Variants in DHX8 observed in about 807,000 individuals in gnomAD.
DHX8 encodes DEAH-box helicase 8.
Under a neutral mutation model 140.7 loss-of-function variants are expected in DHX8, and 67 were observed. The observed-to-expected ratio is 0.48, with a 90% CI of 0.39 to 0.58. The LOEUF (loss-of-function observed/expected upper bound fraction) is 0.58, where lower values mean the gene tolerates loss of function less well. DHX8 is among the 20% of genes least tolerant of loss of function. The pLI is 0.00. For missense variants in DHX8, 887 were observed against 1,550.7 expected (o/e 0.57, Z 7.19); for synonymous variants, 533 against 553.2 (o/e 0.96, Z 0.51).
intron 1 of DHX8, among the ~76,000 whole-genome samples, chr17:43,486,173 A>C (rs959320396): frequency 1.2e-4 from 19 of 152,116 alleles, no homozygotes; most frequent in African/African-American, 4.3e-4. Flanking sequence ...CCTGGACGAA[A>C]AGAGCAAGAC....
chr17:43,510,472 G>A (rs1969760163), intron 16 of DHX8, among the ~76,000 whole-genome samples: 1 of 152,186 alleles, frequency 6.6e-6, no homozygotes, highest in Non-Finnish European at 1.5e-5. Flanking sequence ...AAATGCCATA[G>A]TATTTGCATG....
At position 43,543,265 on chromosome 17, in the gene DHX8, A is replaced by AAC. The variant is rs1189446827; in HGVS notation, c.*21-886_*21-885dup. 4.8e-5 allele frequency among the ~76,000 whole-genome samples: 3 copies of AAC among 63,074 alleles called. No homozygotes were observed. The South Asian group carries it at 1.5e-3, about 31-fold the overall frequency. 41.4% of individuals were successfully genotyped at this position (63,074 alleles called of 152,430 possible). A position where few individuals can be genotyped will look rare whatever the true frequency, so the allele number is the denominator to read the frequency against. On this transcript the variant is annotated intron_variant, in intron 3 of 3. Transcript: ENST00000589898. ...ATGTACAGGGCAGCAGCATGTAACT[A>AAC]ACACACACACACTCTCTCTCTCTCT...
At position 43,508,553 on chromosome 17, in the gene DHX8, C is replaced by A. The variant is rs779534635; in HGVS notation, c.2502+33C>A. 2.0e-6 allele frequency: 3 copies of A among 1,494,242 alleles called. No homozygotes were observed. In the Admixed American group the frequency reaches 5.2e-5, roughly 26 times the overall value. 92.6% of individuals were successfully genotyped at this position (1,494,242 alleles called of 1,614,324 possible). A position where few individuals can be genotyped will look rare whatever the true frequency, so the allele number is the denominator to read the frequency against. The stretch of plus-strand genomic sequence containing the variant: ...GGGCAAAAATGAAGCTTCCATGTGC[C>A]CTGAAACCATGTGTTGTGTGCAGCC... On this transcript the variant is annotated intron_variant, in intron 16 of 22. Coordinates refer to ENST00000262415, the MANE Select transcript of DHX8 (RefSeq NM_004941.3).
intron 16 of DHX8, among the ~76,000 whole-genome samples, chr17:43,509,920 C>T (rs1055081023): frequency 1.3e-5 from 2 of 152,166 alleles, no homozygotes; most frequent in African/African-American, 2.4e-5. Flanking sequence ...CTGCCGGTCT[C>T]GGCCTCCCAA....
chr17:43,517,603 GA>G (rs1221116145), intron 18 of DHX8: 3 of 360,142 alleles, frequency 8.3e-6, no homozygotes, highest in Non-Finnish European at 1.5e-5. Context: ...AAGGAAATTA[GA>G]AAAATATAAT....
At chr17:43,543,205 A>G (rs1261184865) in intron 3 of DHX8, among the ~76,000 whole-genome samples, 3 of 135,802 alleles carry the variant, frequency 2.2e-5, no homozygotes, top group Non-Finnish European at 4.7e-5. Flanking sequence ...TCCGCCTTGC[A>G]ATCCCCACCC....
chr17:43,542,178 C>T (rs1039271339), intron 3 of DHX8, among the ~76,000 whole-genome samples: 1 of 151,982 alleles, frequency 6.6e-6, no homozygotes, highest in Admixed American at 6.6e-5. Flanking sequence ...TCGATCGATC[C>T]CTTTGAGAAT....
chr17:43,538,126 G>A (rs1971340033), intron 3 of DHX8, among the ~76,000 whole-genome samples: 1 of 135,868 alleles, frequency 7.4e-6, no homozygotes, highest in Admixed American at 7.6e-5. Context: ...GGGTGACAGA[G>A]CAAGACTCCA....
chr17:43,521,154 G>A (rs1970357479), intron 20 of DHX8, among the ~76,000 whole-genome samples: 1 of 151,874 alleles, frequency 6.6e-6, no homozygotes, highest in Non-Finnish European at 1.5e-5. Flanking sequence ...GTAGAGACAG[G>A]GTTGCACCAT....
intron 11 of DHX8, among the ~76,000 whole-genome samples, chr17:43,503,714 A>AT (rs1969341075): frequency 6.6e-6 from 1 of 152,038 alleles, no homozygotes; most frequent in Non-Finnish European, 1.5e-5. Context: ...AACAGACCAC[A>AT]TATTGTATGA....
intron 17 of DHX8, 132 bp from the exon 18 acceptor site, chr17:43,517,035 C>A: frequency 1.1e-6 from 1 of 950,810 alleles, no homozygotes; most frequent in Non-Finnish European, 1.5e-6. Flanking sequence ...GGAAATGGTC[C>A]CAAAGGAAGT....
chr17:43,529,864 T>TCAA, downstream of DHX8: 1 of 1,613,746 alleles, frequency 6.2e-7, no homozygotes, highest in Admixed American at 1.7e-5. Context: ...GACCCTCCCA[T>TCAA]CAACAGTCAC....
chr17:43,500,209 G>A, intron 11 of DHX8, 106 bp downstream of exon 11: 1 of 1,309,830 alleles, frequency 7.6e-7, no homozygotes, highest in Non-Finnish European at 1.0e-6. Context: ...CCTTGGGCCG[G>A]GGCGGTGGCT....
At position 43,524,437 on chromosome 17, in the gene DHX8, CCT is replaced by C; in HGVS notation, c.*591_*592del. ...CACATGATGAGAATCCCCTGAATCC[CCT>C]GAAACCAGAACGCAGGGCCTCTTTG... On this transcript the variant is annotated 3_prime_UTR_variant, in exon 23 of 23. Transcript: ENST00000262415. The C allele has an allele frequency of 1.0e-6, 1 of 988,158 alleles. No homozygotes were observed. Among genetic ancestry groups the C allele is most frequent in the African/African-American group, 1.7e-5 (1 of 57,356 alleles). 61.2% of individuals were successfully genotyped at this position (988,158 alleles called of 1,614,324 possible).
intron 17 of DHX8, among the ~76,000 whole-genome samples, chr17:43,514,256 G>T (rs762771830): frequency 6.6e-6 from 1 of 152,040 alleles, no homozygotes; most frequent in African/African-American, 2.4e-5. Context: ...GAGGTGGGAG[G>T]ATCACTTGAG....
chr17:43,544,299 C>G (rs1425252106), exon 4 of DHX8: 5 of 152,986 alleles, frequency 3.3e-5, no homozygotes, highest in African/African-American at 1.2e-4. Flanking sequence ...TCACAGCTAA[C>G]TCCCCAGCAC....
At chr17:43,487,909 G>A (rs113436983) in intron 1 of DHX8, among the ~76,000 whole-genome samples, 2,657 of 152,086 alleles carry the variant, frequency 0.017, 79 homozygotes, top group African/African-American at 0.059. Flanking sequence ...CCCGAGAGGC[G>A]GAGGTTGCAA....
intron 18 of DHX8, chr17:43,519,759 G>A: frequency 5.6e-6 from 1 of 177,566 alleles, no homozygotes; most frequent in Non-Finnish European, 1.2e-5. Context: ...CAGCCAACAT[G>A]GTAAAACGCC....
In DHX8 at chr17:43,498,713, T is replaced by G. The variant is rs372011876; in HGVS notation, c.1301-149T>G. The G allele has an allele frequency of 2.8e-5, 15 of 541,786 alleles. No homozygotes were observed. In the African/African-American group the frequency reaches 3.0e-4, roughly 11 times the overall value. 33.6% of individuals were successfully genotyped at this position (541,786 alleles called of 1,614,324 possible). A position where few individuals can be genotyped will look rare whatever the true frequency, so the allele number is the denominator to read the frequency against. Reference sequence around the variant, plus strand: ...ATCCTCCTGCCTCAGCCTGCCAAAGTGCTGAGATTACAGGCGTGAGCCACC... The same window carrying G: ...ATCCTCCTGCCTCAGCCTGCCAAAGGGCTGAGATTACAGGCGTGAGCCACC... On this transcript the variant is annotated intron_variant, in intron 9 of 22. Coordinates refer to ENST00000262415, the MANE Select transcript of DHX8 (RefSeq NM_004941.3).
Sources: gnomAD v4.1 joint callset for allele counts (sites outside exome capture counted in the v4.1 genomes callset) on GRCh38, gnomAD v4.1.1 for gene constraint, MANE v1.5 for transcripts, NCBI Gene and HGNC (gene_info 2026-07-23, HGNC 2026-07-21) for gene names.